Variants in ADGB observed in about 807,000 individuals in gnomAD.
ADGB encodes androglobin.
Under a neutral mutation model 210.5 loss-of-function variants are expected in ADGB, and 172 were observed. The observed-to-expected ratio is 0.82, with a 90% CI of 0.72 to 0.93. The LOEUF is 0.93. Ranked by LOEUF, ADGB falls within the 40% of genes least tolerant of loss-of-function variation. ADGB has a pLI of 0.00. For synonymous variants in ADGB, 658 were observed against 662.7 expected (o/e 0.99, Z 0.11); for missense variants, 2,025 against 1,964.8 (o/e 1.03, Z -0.58).
chr6:146,756,812 C>A (rs565778306), intron 27 of ADGB, among the ~76,000 whole-genome samples: 1 of 151,964 alleles, frequency 6.6e-6, no homozygotes, highest in South Asian at 2.1e-4. Flanking sequence ...ACTGCAACCT[C>A]CACCTCCTGG....
At chr6:146,610,226 T>C (rs1236805817) in intron 1 of ADGB, among the ~76,000 whole-genome samples, 1 of 152,238 alleles carries the variant, frequency 6.6e-6, no homozygotes, top group African/African-American at 2.4e-5. Flanking sequence ...TATTTCATTT[T>C]TCAGCTCTCG....
chr6:146,684,467 A>G (rs559892599), intron 9 of ADGB, among the ~76,000 whole-genome samples: 9 of 152,118 alleles, frequency 5.9e-5, no homozygotes, highest in African/African-American at 2.2e-4. Flanking sequence ...ACTGTAAATT[A>G]CTGGTCACTG....
chr6:146,806,357 A>C (rs1007723055), intron 35 of ADGB, among the ~76,000 whole-genome samples: 1 of 152,196 alleles, frequency 6.6e-6, no homozygotes, highest in African/African-American at 2.4e-5. Context: ...TCAAGGGATT[A>C]CTGATGTATA....
rs546348393 is a variant in ADGB, at chr6:146,801,936, T to C, written c.4743T>C (p.Leu1581=). The part of the protein sequence containing the change: ...HQFRQHRTRV[L]SIRNIDQEER... ...TTCGACAGCATAGGACCAGAGTCCTTAGCATTCGAAACATTGACCAAGAAG... is the reference window on the plus strand; with the variant it reads ...TTCGACAGCATAGGACCAGAGTCCTCAGCATTCGAAACATTGACCAAGAAG... The change falls in exon 35 of 36, where the codon CTT becomes CTC. Residue 1581 remains leucine (L), a synonymous_variant. Transcript: ENST00000397944. The C allele has an allele frequency of 7.7e-6, 12 of 1,550,864 alleles. No homozygotes were observed. Among genetic ancestry groups the C allele is most frequent in the Non-Finnish European group, 1.0e-5 (12 of 1,146,646 alleles).
chr6:146,602,763 T>G (rs776353961), intron 1 of ADGB, among the ~76,000 whole-genome samples: 11 of 152,212 alleles, frequency 7.2e-5, no homozygotes, highest in African/African-American at 2.2e-4. Flanking sequence ...CATTTCCCCC[T>G]GAGCTCCTCA....
intron 1 of ADGB, among the ~76,000 whole-genome samples, chr6:146,610,476 C>T (rs1218692536): frequency 6.6e-6 from 1 of 152,118 alleles, no homozygotes; most frequent in Non-Finnish European, 1.5e-5. Context: ...GGCTACTATT[C>T]CTTTAATCAT....
At chr6:146,691,375 G>C in intron 11 of ADGB, 85 bp downstream of exon 11, 1 of 999,080 alleles carries the variant, frequency 1.0e-6, no homozygotes, top group Non-Finnish European at 1.3e-6. Context: ...GTATGTCAAG[G>C]TAAATCACCC....
rs969004722 is a variant in ADGB, at chr6:146,701,069, A to G, written c.1706A>G (p.Gln569Arg). The change falls in exon 13 of 36, where the codon CAG (glutamine) becomes CGG (arginine). Residue 569 changes from glutamine to arginine, a missense_variant and splice_region_variant. Gln to Arg is a conservative substitution (Grantham distance 43). Transcript: ENST00000397944. The stretch of plus-strand genomic sequence containing the variant: ...AGTCAAATAACAAAAGCTACATCTC[A>G]GGTGACTATGTTACTCTTACTGTTG... The part of the protein sequence containing the change: ...DLSQITKATS[Q>R]GNTASQVILG... 7.8e-6 allele frequency: 12 copies of G among 1,547,456 alleles called. 1 individual carries two copies. The Admixed American group carries it at 1.6e-4, about 20-fold the overall frequency.
At chr6:146,785,400 C>G (rs1190296956) in intron 31 of ADGB, among the ~76,000 whole-genome samples, 1 of 152,136 alleles carries the variant, frequency 6.6e-6, no homozygotes, top group African/African-American at 2.4e-5. Context: ...GCTTCTTCAT[C>G]TATTCTCAAA....
chr6:146,808,220 G>A (rs542437445), intron 35 of ADGB, among the ~76,000 whole-genome samples: 14 of 152,158 alleles, frequency 9.2e-5, no homozygotes, highest in Non-Finnish European at 1.8e-4. Flanking sequence ...GGCTGGTCGC[G>A]AACTCCTAAC....
chr6:146,756,822 G>A lies in ADGB; in HGVS notation c.3550+4108G>A, dbSNP rs534288917. 4.0e-5 allele frequency among the ~76,000 whole-genome samples: 6 copies of A among 151,876 alleles called. 1 individual carries two copies. In the South Asian group the frequency reaches 1.2e-3, roughly 32 times the overall value. ...AGATCACTGCAACCTCCACCTCCTG[G>A]ATTCAAGTGATTCTCGTGCCTTAGC... On this transcript the variant is annotated intron_variant, in intron 27 of 35. Transcript: ENST00000397944.
intron 1 of ADGB, among the ~76,000 whole-genome samples, chr6:146,619,380 A>G (rs1190618844): frequency 6.6e-6 from 1 of 152,014 alleles, no homozygotes; most frequent in Non-Finnish European, 1.5e-5. Flanking sequence ...GTTATTATTG[A>G]TAGATAACGG....
Position 146,614,004 on chromosome 6 carries a change from A to T in ADGB, c.74+14890A>T, listed in dbSNP as rs189952635. Among the ~76,000 whole-genome samples the T allele has an allele frequency of 4.7e-3, 722 of 152,178 alleles. 4 individuals carry two copies. Among genetic ancestry groups the T allele is most frequent in the African/African-American group, 0.016 (674 of 41,552 alleles). On this transcript the variant is annotated intron_variant, in intron 1 of 35. Coordinates refer to ENST00000397944, the MANE Select transcript of ADGB (RefSeq NM_024694.4). ...TATGCCAAGAATAGATATATATATA[A>T]AAATATGTAGACAAAACAAACTTTA...
chr6:146,676,428 G>A lies in ADGB; in HGVS notation c.1203G>A (p.Gln401=). 2 of 1,435,354 alleles carry A rather than the reference G, an allele frequency of 1.4e-6. No homozygotes were observed. Among genetic ancestry groups the A allele is most frequent in the Non-Finnish European group, 1.8e-6 (2 of 1,089,624 alleles). 88.9% of individuals were successfully genotyped at this position (1,435,354 alleles called of 1,614,324 possible). ...CATCAGAAGTGCAGTACTCTGTGCA[G>A]TCCCTATCAGATTGTAAGCTCCTAA... ...RPSSEVQYSV[Q]SLSDCSSAIQ... Residue 401 remains glutamine, a synonymous_variant, in exon 9 of 36, where the codon CAG becomes CAA. Transcript: ENST00000397944.
chr6:146,616,015 T>A (rs562384221), intron 1 of ADGB, among the ~76,000 whole-genome samples: 1 of 150,272 alleles, frequency 6.7e-6, no homozygotes, highest in Non-Finnish European at 1.5e-5. Flanking sequence ...GCTGTACTAG[T>A]TTACATTCCC....
chr6:146,709,386 C>T (rs1364742428), intron 13 of ADGB, among the ~76,000 whole-genome samples: 2 of 152,212 alleles, frequency 1.3e-5, no homozygotes, highest in Non-Finnish European at 2.9e-5. Flanking sequence ...CTTCACCAGT[C>T]AGATCATCTA....
intron 29 of ADGB, chr6:146,770,671 C>A: frequency 2.2e-6 from 1 of 448,950 alleles, no homozygotes. Flanking sequence ...AGGCTGTGTT[C>A]AGGCTCAACG....
intron 1 of ADGB, among the ~76,000 whole-genome samples, chr6:146,614,506 C>T (rs138989581): frequency 3.0e-4 from 45 of 152,210 alleles, no homozygotes; most frequent in African/African-American, 7.0e-4. Flanking sequence ...TTTATATAAA[C>T]GGAATCAAAC....
chr6:146,605,467 A>G (rs1223454558), intron 1 of ADGB, among the ~76,000 whole-genome samples: 1 of 152,148 alleles, frequency 6.6e-6, no homozygotes, highest in African/African-American at 2.4e-5. Context: ...TCAGTGACAG[A>G]TTTCTGAATG....
Sources: allele counts gnomAD v4.1 joint callset (sites outside exome capture counted in the v4.1 genomes callset), GRCh38; gene constraint gnomAD v4.1.1; transcripts MANE v1.5; gene names NCBI Gene and HGNC (gene_info 2026-07-23, HGNC 2026-07-21).